RNF216: variants seen among roughly 807,000 people sequenced by gnomAD.
RNF216 encodes ring finger protein 216, also known as E3 ubiquitin-protein ligase RNF216.
Under a neutral mutation model 110.8 loss-of-function variants are expected in RNF216, and 72 were observed. That is an observed-to-expected ratio of 0.65 (90% confidence interval 0.54 to 0.79). The LOEUF is 0.79. Ranked by LOEUF, RNF216 falls within the 30% of genes least tolerant of loss-of-function variation. The probability of loss-of-function intolerance (pLI) is 0.00; values close to 1 mark genes in which losing one functional copy is unlikely to be tolerated. For synonymous variants in RNF216, 495 were observed against 407.5 expected (o/e 1.21, Z -2.59); for missense variants, 1,342 against 1,141.2 (o/e 1.18, Z -2.54).
intron 13 of RNF216, among the ~76,000 whole-genome samples, chr7:5,674,339 A>T (rs1002524699): frequency 2.0e-5 from 3 of 151,874 alleles, no homozygotes; most frequent in Admixed American, 2.0e-4. Context: ...TCAAATTTTT[A>T]GTACAGATGG....
At chr7:5,639,659 C>T (rs1787611764) in intron 15 of RNF216, among the ~76,000 whole-genome samples, 1 of 152,040 alleles carries the variant, frequency 6.6e-6, no homozygotes, top group African/African-American at 2.4e-5. Flanking sequence ...CAGGTTTCAC[C>T]ATATTGGTCA....
chr7:5,722,178 C>A (rs1428082425), intron 8 of RNF216, among the ~76,000 whole-genome samples: 2 of 152,192 alleles, frequency 1.3e-5, no homozygotes, highest in Non-Finnish European at 2.9e-5. Flanking sequence ...CCAGCCTTGG[C>A]CTCCCAAAGT....
chr7:5,745,411 T>C (rs1277917412), intron 3 of RNF216, among the ~76,000 whole-genome samples: 2 of 152,242 alleles, frequency 1.3e-5, no homozygotes, highest in Non-Finnish European at 2.9e-5. Context: ...TTCCCATTTA[T>C]GTCTGTGGCC....
Position 5,781,631 on chromosome 7 carries a change from T to C in RNF216, c.-160A>G, listed in dbSNP as rs1309951192. On this transcript the variant is annotated 5_prime_UTR_variant, in exon 1 of 17. Transcript: ENST00000389902. ...TCAGAAGCCGCAGCTGCGAGCTCCG[T>C]GGCAGCCGCTGCACTCCTTCCGGCC... The C allele has an allele frequency of 1.3e-5, 2 of 152,270 alleles. No individual in the cohort carries two copies. Among genetic ancestry groups the C allele is most frequent in the African/African-American group, 4.8e-5 (2 of 41,466 alleles). 9.4% of individuals were successfully genotyped at this position (152,270 alleles called of 1,614,324 possible). A position where few individuals can be genotyped will look rare whatever the true frequency, so the allele number is the denominator to read the frequency against.
intron 1 of RNF216, among the ~76,000 whole-genome samples, chr7:5,766,029 G>A (rs1353067267): frequency 6.6e-6 from 1 of 151,332 alleles, no homozygotes; most frequent in East Asian, 2.0e-4. Context: ...TGTAATCCAG[G>A]AAACCAATCC....
intron 14 of RNF216, among the ~76,000 whole-genome samples, chr7:5,643,830 A>G (rs945343639): frequency 1.3e-5 from 2 of 152,188 alleles, no homozygotes; most frequent in African/African-American, 4.8e-5. Context: ...CTAAGCAGGC[A>G]TTCCCCATTC....
At chr7:5,704,785 C>T (rs1209985612) in intron 13 of RNF216, among the ~76,000 whole-genome samples, 2 of 152,158 alleles carry the variant, frequency 1.3e-5, no homozygotes, top group African/African-American at 2.4e-5. Flanking sequence ...TCCACCAGGC[C>T]GTCACTGCCT....
intron 5 of RNF216, among the ~76,000 whole-genome samples, chr7:5,738,939 T>C (rs1794595186): frequency 6.6e-6 from 1 of 152,028 alleles, no homozygotes; most frequent in African/African-American, 2.4e-5. Context: ...ACAAGGTCAT[T>C]AAAAAAGACA....
chr7:5,670,167 C>G (rs1158278114), intron 13 of RNF216, among the ~76,000 whole-genome samples: 1 of 152,078 alleles, frequency 6.6e-6, no homozygotes, highest in Non-Finnish European at 1.5e-5. Flanking sequence ...CTCCTGACCT[C>G]AAGTGAGGCA....
intron 13 of RNF216, among the ~76,000 whole-genome samples, chr7:5,705,981 G>A (rs1309118072): frequency 2.0e-5 from 3 of 151,118 alleles, no homozygotes; most frequent in Non-Finnish European, 1.5e-5. Context: ...ACTCTGGGAG[G>A]CCGAAGCAGG....
In RNF216 at chr7:5,752,830, T is replaced by G; in HGVS notation, c.201+16A>C. ...ACTTGCAATAATGTCTCATTGTAAG[T>G]TTAAAGAAAACTCACTTCTGTCAGG... is the stretch of plus-strand genomic sequence containing the variant. On this transcript the variant is annotated intron_variant, in intron 3 of 16. Transcript: ENST00000389902. 6.2e-7 allele frequency: 1 copy of G among 1,607,620 alleles called. No homozygotes were observed. Among genetic ancestry groups the G allele is most frequent in the Non-Finnish European group, 8.5e-7 (1 of 1,177,706 alleles).
At chr7:5,625,607 C>G (rs1157952809) in intron 15 of RNF216, among the ~76,000 whole-genome samples, 3 of 152,178 alleles carry the variant, frequency 2.0e-5, no homozygotes, top group African/African-American at 7.2e-5. Context: ...AGTGATTTCC[C>G]CACACAATTG....
At chr7:5,698,456 C>G (rs1791767943) in intron 13 of RNF216, among the ~76,000 whole-genome samples, 1 of 151,838 alleles carries the variant, frequency 6.6e-6, no homozygotes, top group Non-Finnish European at 1.5e-5. Context: ...GTGGCATGAT[C>G]ATGGTTCACA....
At chr7:5,665,204 C>T (rs563394070) in intron 13 of RNF216, among the ~76,000 whole-genome samples, 4 of 152,278 alleles carry the variant, frequency 2.6e-5, no homozygotes, top group Admixed American at 6.5e-5. Flanking sequence ...TCCTCTCTAT[C>T]CTCAAAGTAC....
intron 3 of RNF216, among the ~76,000 whole-genome samples, chr7:5,747,749 A>G (rs1795104042): frequency 2.4e-5 from 1 of 42,316 alleles, no homozygotes; most frequent in Non-Finnish European, 4.5e-5. Flanking sequence ...TCCATCTCAA[A>G]AAAAAAAAAA....
intron 15 of RNF216, among the ~76,000 whole-genome samples, chr7:5,639,505 C>T (rs1787602857): frequency 6.6e-6 from 1 of 152,106 alleles, no homozygotes; most frequent in Admixed American, 6.5e-5. Flanking sequence ...ACATTGTCAC[C>T]CAGGCTGGAG....
rs1484910770 is a variant in RNF216, at chr7:5,680,638, G to C, written c.2062-28128C>G. ...AGGATGGTCTCGATCTCCTGACCTT[G>C]TGATCTGCCCGACTCGGCCTCCCAA... On this transcript the variant is annotated intron_variant, in intron 13 of 16. Coordinates refer to ENST00000389902, the MANE Select transcript of RNF216 (RefSeq NM_207111.4). The surrounding 1 kb of genome is among the most constrained non-coding windows in gnomAD (Gnocchi z 4.3). Among the ~76,000 whole-genome samples, 1 of 152,078 alleles carries C rather than the reference G, an allele frequency of 6.6e-6. No individual in the cohort carries two copies. Among genetic ancestry groups the C allele is most frequent in the African/African-American group, 2.4e-5 (1 of 41,404 alleles).
chr7:5,664,623 T>C (rs1789384318), intron 13 of RNF216, among the ~76,000 whole-genome samples: 1 of 152,122 alleles, frequency 6.6e-6, no homozygotes, highest in Non-Finnish European at 1.5e-5. Flanking sequence ...ATGCGCATTC[T>C]GCCTGTGTCC....
At chr7:5,759,926 T>A (rs1009910688) in intron 2 of RNF216, among the ~76,000 whole-genome samples, 11 of 152,072 alleles carry the variant, frequency 7.2e-5, no homozygotes, top group African/African-American at 1.9e-4. Context: ...CCACCACGCC[T>A]GGCCTGGGGG....
Sources: gnomAD v4.1 joint callset for allele counts (sites outside exome capture counted in the v4.1 genomes callset) on GRCh38, gnomAD v4.1.1 for gene constraint, Gnocchi (gnomAD v3.1) non-coding constraint, MANE v1.5 for transcripts, NCBI Gene and HGNC (gene_info 2026-07-23, HGNC 2026-07-21) for gene names.